The following KCNK18 variants were observed in gnomAD, a reference collection of about 807,000 sequenced individuals.
The protein encoded by KCNK18 is potassium two pore domain channel subfamily K member 18, also known as potassium channel subfamily K member 18.
KCNK18 carries 8 observed loss-of-function variants against 11.8 expected under a neutral mutation model. That is an observed-to-expected ratio of 0.68 (90% CI 0.40 to 1.22). KCNK18 has a LOEUF of 1.22. KCNK18 is among the 50% of genes most tolerant of loss of function. The probability of loss-of-function intolerance (pLI) is 0.01; values close to 1 mark genes in which losing one functional copy is unlikely to be tolerated. For synonymous variants in KCNK18, 208 were observed against 185.8 expected, an observed-to-expected ratio of 1.12 and a Z score of -0.97; for missense variants, 442 against 465.4, an observed-to-expected ratio of 0.95 and a Z score of 0.46.
At chr10:117,199,893 T>G (rs989868224) in intron 1 of KCNK18, among the ~76,000 whole-genome samples, 13 of 152,302 alleles carry the variant, frequency 8.5e-5, no homozygotes, top group African/African-American at 2.9e-4. Flanking sequence ...CAAAGCCCAC[T>G]GGCGGCTCAG....
intron 2 of KCNK18, among the ~76,000 whole-genome samples, chr10:117,208,041 C>T (rs955306612): frequency 2.6e-5 from 4 of 152,116 alleles, no homozygotes; most frequent in South Asian, 2.1e-4. Context: ...GGGCTCCCGA[C>T]GGGGATGGAG....
Position 117,208,503 on chromosome 10 carries a change from G to A in KCNK18, c.353-994G>A, listed in dbSNP as rs957699346. Among the ~76,000 whole-genome samples, 7 of 152,116 alleles carry A rather than the reference G, an allele frequency of 4.6e-5. No homozygotes were observed. The East Asian group carries it at 1.2e-3, about 25-fold the overall frequency. On this transcript the variant is annotated intron_variant, in intron 2 of 2. Transcript: ENST00000334549. ...AATATTATCATAAATAGCAGAGCTG[G>A]GATTCAAAGCAAGGTCAGTCAGAAC...
rs67346047 is a variant in KCNK18 at position 117,197,516 on chromosome 10, A to G, written c.28A>G (p.Arg10Gly). ...GGAGGTCTCGGGGCACCCCCAGGCCAGGAGATGCTGCCCAGAGGCCCTGGG... is the reference window on the plus strand; with the variant it reads ...GGAGGTCTCGGGGCACCCCCAGGCCGGGAGATGCTGCCCAGAGGCCCTGGG... MEVSGHPQA[R>G]RCCPEALGKL... Residue 10 changes from arginine (R) to glycine (G), a missense_variant, in exon 1 of 3, where the codon AGG (arginine) becomes GGG (glycine). By Grantham distance (125) the Arg-to-Gly change is moderately radical. Transcript: ENST00000334549. 0.078 allele frequency: 126,555 copies of G among 1,613,430 alleles called. 5,758 individuals are homozygous for G. The highest frequency in any genetic ancestry group is 0.16 in the East Asian group (7,289 of 44,850).
In KCNK18 at chr10:117,205,809, G is replaced by T. The variant is rs144090843; in HGVS notation, c.353-3688G>T. Among the ~76,000 whole-genome samples, 6 of 152,172 alleles carry T rather than the reference G, an allele frequency of 3.9e-5. No individual in the cohort carries two copies. In the East Asian group the frequency reaches 9.6e-4, roughly 24 times the overall value. On this transcript the variant is annotated intron_variant, in intron 2 of 2. Coordinates refer to ENST00000334549, the MANE Select transcript of KCNK18 (RefSeq NM_181840.1). ...TCACTCCTGTAAGCCCAGCACTTTGGGGGGCTGAGGTGGGCAGATCACTTG... is the reference window on the plus strand; with the variant it reads ...TCACTCCTGTAAGCCCAGCACTTTGTGGGGCTGAGGTGGGCAGATCACTTG...
In KCNK18 at chr10:117,197,930, A is replaced by G. The variant is rs549940100; in HGVS notation, c.223+219A>G. Reference sequence around the variant, plus strand: ...CTCTCAGGGTTGCTGTGAAGAATGCAGGAAAGGCCCTGAGCACCCTGAGGT... The same window carrying G: ...CTCTCAGGGTTGCTGTGAAGAATGCGGGAAAGGCCCTGAGCACCCTGAGGT... On this transcript the variant is annotated intron_variant, in intron 1 of 2. Transcript: ENST00000334549. Among the ~76,000 whole-genome samples, 19 of 152,244 alleles carry G rather than the reference A, an allele frequency of 1.2e-4. No homozygotes were observed. In the East Asian group the frequency reaches 2.3e-3, roughly 19 times the overall value.
chr10:117,198,750 G>C (rs1854980319), intron 1 of KCNK18, among the ~76,000 whole-genome samples: 2 of 152,198 alleles, frequency 1.3e-5, no homozygotes, highest in African/African-American at 4.8e-5. Context: ...CCAGAGACAA[G>C]AGGCCAGTCC....
At chr10:117,208,472 T>A (rs573451634) in intron 2 of KCNK18, among the ~76,000 whole-genome samples, 1 of 152,228 alleles carries the variant, frequency 6.6e-6, no homozygotes, top group African/African-American at 2.4e-5. Context: ...ATATGAGCAG[T>A]CAAGTAATAT....
At chr10:117,208,216 CT>C in intron 2 of KCNK18, among the ~76,000 whole-genome samples, 1 of 152,292 alleles carries the variant, frequency 6.6e-6, no homozygotes, top group South Asian at 2.1e-4. Context: ...GGCCAAGCTA[CT>C]TCGTTTCTCT....
intron 2 of KCNK18, among the ~76,000 whole-genome samples, chr10:117,202,879 C>G (rs573313592): frequency 9.4e-4 from 104 of 110,080 alleles, no homozygotes; most frequent in African/African-American, 3.1e-3. Context: ...TCCCATTTGC[C>G]TGAATGCTTT....
At chr10:117,205,124 G>A (rs1291059872) in intron 2 of KCNK18, among the ~76,000 whole-genome samples, 1 of 152,162 alleles carries the variant, frequency 6.6e-6, no homozygotes. Context: ...TGGCCTTAAT[G>A]CTAAGCACAG....
At chr10:117,208,307 T>C (rs931661072) in intron 2 of KCNK18, among the ~76,000 whole-genome samples, 1 of 152,146 alleles carries the variant, frequency 6.6e-6, no homozygotes, top group Admixed American at 6.6e-5. Context: ...CCACAGGAAG[T>C]GCTCACTAGG....
chr10:117,203,814 G>T (rs1002107200), intron 2 of KCNK18, among the ~76,000 whole-genome samples: 7 of 152,152 alleles, frequency 4.6e-5, no homozygotes, highest in African/African-American at 1.7e-4. Flanking sequence ...TGGGATTATA[G>T]GCGTGAGCCA....
At chr10:117,205,615 C>T (rs1564991231) in intron 2 of KCNK18, among the ~76,000 whole-genome samples, 1 of 152,226 alleles carries the variant, frequency 6.6e-6, no homozygotes, top group Non-Finnish European at 1.5e-5. Context: ...CCCTACAGGT[C>T]TCTCCTCTCA....
intron 2 of KCNK18, among the ~76,000 whole-genome samples, chr10:117,207,988 G>A (rs1292075153): frequency 1.3e-5 from 2 of 152,196 alleles, no homozygotes; most frequent in African/African-American, 2.4e-5. Flanking sequence ...GGGGTTTGAG[G>A]TCTGTCTGCT....
intron 2 of KCNK18, among the ~76,000 whole-genome samples, chr10:117,204,216 C>T (rs766109126): frequency 1.3e-5 from 2 of 148,740 alleles, no homozygotes; most frequent in African/African-American, 2.5e-5. Flanking sequence ...GAGCCATGAT[C>T]GCGCCACTGC....
At chr10:117,198,379 A>T (rs1404307227) in intron 1 of KCNK18, among the ~76,000 whole-genome samples, 1 of 151,750 alleles carries the variant, frequency 6.6e-6, no homozygotes, top group Non-Finnish European at 1.5e-5. Flanking sequence ...TCTGGGTCTC[A>T]GTCTGCGGGA....
At position 117,209,837 on chromosome 10, in the gene KCNK18, T is replaced by A; in HGVS notation, c.693T>A (p.Ser231=). ...PSCSMELFER[S]HALEKQNTLQ... Reference sequence around the variant, plus strand: ...GCAGCATGGAGCTGTTTGAGAGATCTCATGCGCTAGAGAAACAGAACACAC... The same window carrying A: ...GCAGCATGGAGCTGTTTGAGAGATCACATGCGCTAGAGAAACAGAACACAC... Residue 231 remains serine, a synonymous_variant, in exon 3 of 3, where the codon TCT becomes TCA. Coordinates refer to ENST00000334549, the MANE Select transcript of KCNK18 (RefSeq NM_181840.1). The A allele has an allele frequency of 2.5e-6, 4 of 1,614,112 alleles. No individual in the cohort carries two copies. The highest frequency in any genetic ancestry group is 3.4e-6 in the Non-Finnish European group (4 of 1,180,026).
At chr10:117,200,675 G>T (rs1678042) in intron 1 of KCNK18, among the ~76,000 whole-genome samples, 2,472 of 151,934 alleles carry the variant, frequency 0.016, 43 homozygotes, top group Non-Finnish European at 0.022. Context: ...GCATGGGTGT[G>T]GTAGTACGCC....
rs776736028 is a variant in KCNK18, at chr10:117,209,986, TC to T, written c.847del (p.Leu283SerfsTer49). The part of the protein sequence containing the change: ...EVGQQVERLD[I>X]PLPIIALIVF... The stretch of plus-strand genomic sequence containing the variant: ...GGACAGCAGGTGGAGAGGTTGGACA[TC>T]CCCCTCCCCATCATTGCCCTTATTG... On this transcript the variant is annotated frameshift_variant, in exon 3 of 3. Coordinates refer to ENST00000334549, the MANE Select transcript of KCNK18 (RefSeq NM_181840.1). LOFTEE classifies it low-confidence loss of function (END_TRUNC). 1 of 1,614,086 alleles carries T rather than the reference TC, an allele frequency of 6.2e-7. No homozygotes were observed. The highest frequency in any genetic ancestry group is 1.1e-5 in the South Asian group (1 of 91,078).
Sources: gnomAD v4.1 joint callset for allele counts (sites outside exome capture counted in the v4.1 genomes callset) on GRCh38, gnomAD v4.1.1 for gene constraint, MANE v1.5 for transcripts, NCBI Gene and HGNC (gene_info 2026-07-23, HGNC 2026-07-21) for gene names.